ZP2: variants seen among roughly 807,000 people sequenced by gnomAD.
The protein encoded by ZP2 is zona pellucida glycoprotein 2.
ZP2 carries 51 observed loss-of-function variants against 84.0 expected under a neutral mutation model. The observed-to-expected ratio is 0.61, with a 90% CI of 0.49 to 0.77. The LOEUF (loss-of-function observed/expected upper bound fraction) is 0.77, where lower values mean the gene tolerates loss of function less well. ZP2 is among the 30% of genes least tolerant of loss of function. The pLI is 0.00. For missense variants in ZP2, 909 were observed against 911.9 expected (o/e 1.00, Z 0.04); for synonymous variants, 375 against 330.9 (o/e 1.13, Z -1.45).
At chr16:21,212,802 G>A (rs183685403), upstream of ZP2, among the ~76,000 whole-genome samples, 3 of 152,242 alleles carry the variant, frequency 2.0e-5, no homozygotes, top group African/African-American at 7.2e-5. Context: ...TTTCCCAGTG[G>A]GGAAACTGAG....
chr16:21,209,783 A>T, intron 3 of ZP2, 58 bp from the exon 4 acceptor site: 1 of 1,492,358 alleles, frequency 6.7e-7, no homozygotes, highest in South Asian at 1.1e-5. Context: ...TGACAGTCCA[A>T]AGCTATAGAG....
At chr16:21,206,590 A>C (rs2093250721) in intron 5 of ZP2, among the ~76,000 whole-genome samples, 1 of 152,186 alleles carries the variant, frequency 6.6e-6, no homozygotes, top group Non-Finnish European at 1.5e-5. Flanking sequence ...ATTGCCATGC[A>C]TGATGTGCCA....
At chr16:21,207,635 AAC>A (rs10530241) in intron 4 of ZP2, among the ~76,000 whole-genome samples, 3,593 of 143,708 alleles carry the variant, frequency 0.025, 45 homozygotes, top group African/African-American at 0.03. Flanking sequence ...ATATATATTA[AAC>A]ACACACACAC....
At chr16:21,201,220 G>T in intron 14 of ZP2, 149 bp downstream of exon 14, 2 of 571,158 alleles carry the variant, frequency 3.5e-6, no homozygotes, top group Non-Finnish European at 5.4e-6. Context: ...AAAAAAAACA[G>T]AAGGCAGAAG....
At chr16:21,199,118 C>T (rs2093212930) in intron 16 of ZP2, among the ~76,000 whole-genome samples, 1 of 151,886 alleles carries the variant, frequency 6.6e-6, no homozygotes, top group South Asian at 2.1e-4. Context: ...GAGATTGAGA[C>T]CAGCCTGGCC....
At position 21,204,294 on chromosome 16, in the gene ZP2, A is replaced by T; in HGVS notation, c.790+14T>A. On this transcript the variant is annotated intron_variant, in intron 8 of 18. Coordinates refer to ENST00000574091, the MANE Select transcript of ZP2 (RefSeq NM_001376232.1). Reference sequence around the variant, plus strand: ...TGTCTCCCACACTGAGGTTGCAGCTATCTGGGACCTTACCTGGTGCACAAA... The same window carrying T: ...TGTCTCCCACACTGAGGTTGCAGCTTTCTGGGACCTTACCTGGTGCACAAA... The T allele has an allele frequency of 6.2e-7, 1 of 1,614,070 alleles. No homozygotes were observed. Among genetic ancestry groups the T allele is most frequent in the Non-Finnish European group, 8.5e-7 (1 of 1,179,932 alleles).
Position 21,197,758 on chromosome 16 carries a change from A to C in ZP2, c.2095+8T>G, listed in dbSNP as rs1162981780. On this transcript the variant is annotated splice_region_variant and intron_variant, in intron 18 of 18. Coordinates refer to ENST00000574091, the MANE Select transcript of ZP2 (RefSeq NM_001376232.1). ...ATTTCAGAAGTTTGCAACATTGAAT[A>C]AACTTACCTCGTGAGCCAACCTCCT... 1 of 1,614,002 alleles carries C rather than the reference A, an allele frequency of 6.2e-7. No homozygotes were observed. Among genetic ancestry groups the C allele is most frequent in the African/African-American group, 1.3e-5 (1 of 74,912 alleles).
chr16:21,206,459 A>C (rs2093250082), intron 5 of ZP2, among the ~76,000 whole-genome samples: 1 of 152,208 alleles, frequency 6.6e-6, no homozygotes, highest in Non-Finnish European at 1.5e-5. Flanking sequence ...TAAACCCATG[A>C]AGATGTGACT....
Position 21,201,439 on chromosome 16 carries a change from A to C in ZP2, c.1624T>G (p.Leu542Val). Residue 542 changes from leucine (L) to valine (V), a missense_variant, in exon 14 of 19, where the codon TTA (leucine) becomes GTA (valine). Physicochemically the swap from Leu to Val is conservative, Grantham distance 32 (BLOSUM62 1). Transcript: ENST00000574091. ...NRDDPNIKLVLDDCWATSTMD... is the reference protein window; with the variant it reads ...NRDDPNIKLVVDDCWATSTMD... ...GTGGACGTCGCCCAGCAGTCATCTA[A>C]GACCAGCTTGATGTTGGGGTCATCC... The C allele has an allele frequency of 6.2e-7, 1 of 1,613,126 alleles. No individual in the cohort carries two copies.
rs772723387 is a variant in ZP2, at chr16:21,201,538, A to G, written c.1525T>C (p.Tyr509His). 2 of 1,609,532 alleles carry G rather than the reference A, an allele frequency of 1.2e-6. No individual in the cohort carries two copies. The highest frequency in any genetic ancestry group is 1.1e-5 in the South Asian group (1 of 90,102). Residue 509 changes from tyrosine to histidine, a missense_variant, in exon 14 of 19, where the codon TAT (tyrosine) becomes CAT (histidine). Tyr to His is a moderately conservative substitution (Grantham distance 83). Transcript: ENST00000574091. ...ACTAGAGGGTACTCGTTTTCCCCAT[A>G]AGGTTGTTGGTAGGAATTATCTGAA... Reference protein sequence around the residue: ...SYPDNSYQQPYGENEYPLVRF... With the variant: ...SYPDNSYQQPHGENEYPLVRF...
intron 9 of ZP2, 41 bp from the exon 10 acceptor site, chr16:21,203,292 G>A: frequency 1.2e-6 from 2 of 1,608,396 alleles, no homozygotes; most frequent in African/African-American, 1.3e-5. Flanking sequence ...CAGTCCGTTG[G>A]GGCCCGGAAC....
At chr16:21,214,104 A>AT (rs573639341), upstream of ZP2, 122 of 412,342 alleles carry the variant, frequency 3.0e-4, 2 homozygotes, top group African/African-American at 2.1e-3. Flanking sequence ...GAGCCCCCAA[A>AT]TTTGGGGTTT....
chr16:21,207,901 AAAACAAAAAC>A (rs1237559043), intron 4 of ZP2, among the ~76,000 whole-genome samples: 1 of 152,076 alleles, frequency 6.6e-6, no homozygotes, highest in Non-Finnish European at 1.5e-5. Flanking sequence ...AAACCAAACC[AAAACAAAAAC>A]AAACAAAAAC....
intron 2 of ZP2, 137 bp downstream of exon 2, chr16:21,211,170 T>A (rs2093273282): frequency 1.3e-6 from 1 of 743,574 alleles, no homozygotes; most frequent in Admixed American, 2.4e-5. Flanking sequence ...AGAAGAAAGA[T>A]CCAGTAACCT....
At chr16:21,211,746 C>G, upstream of ZP2, 1 of 1,480,006 alleles carries the variant, frequency 6.8e-7, no homozygotes. Context: ...TGCCAGCTGC[C>G]CTGTGGGCCA....
chr16:21,210,726 C>T (rs2093270797), intron 2 of ZP2, among the ~76,000 whole-genome samples: 1 of 152,086 alleles, frequency 6.6e-6, no homozygotes, highest in South Asian at 2.1e-4. Flanking sequence ...ATGTGCCCAC[C>T]ACCACACCCA....
rs138186986 is a variant in ZP2, at chr16:21,210,302, A to C, written c.152-110T>G. ...AGGGATTCCAGATGAGGGAGGCAAG[A>C]ATCGTCCCCTACCCTGGGAGAGCTC... On this transcript the variant is annotated intron_variant, in intron 2 of 18. Coordinates refer to ENST00000574091, the MANE Select transcript of ZP2 (RefSeq NM_001376232.1). 9.3e-4 allele frequency: 772 copies of C among 828,352 alleles called. 4 individuals carry two copies. Among genetic ancestry groups the C allele is most frequent in the African/African-American group, 8.8e-3 (527 of 59,934 alleles). The allele number at this position is 828,352 out of a possible 1,614,324, so 51.3% of individuals were successfully genotyped here.
intron 5 of ZP2, 140 bp from the exon 6 acceptor site, chr16:21,205,915 G>GC: frequency 1.3e-6 from 1 of 759,934 alleles, no homozygotes. Flanking sequence ...CCCTGACTGT[G>GC]CCCTTAGATG....
At chr16:21,205,342 G>C in intron 7 of ZP2, 78 bp downstream of exon 7, 2 of 1,527,092 alleles carry the variant, frequency 1.3e-6, no homozygotes, top group Non-Finnish European at 1.8e-6. Flanking sequence ...TTAATGTGAA[G>C]ACATGGTTGA....
Sources: gnomAD v4.1 joint callset for allele counts (sites outside exome capture counted in the v4.1 genomes callset) on GRCh38, gnomAD v4.1.1 for gene constraint, MANE v1.5 for transcripts, NCBI Gene and HGNC (gene_info 2026-07-23, HGNC 2026-07-21) for gene names.